ROBO1: variants seen among roughly 807,000 people sequenced by gnomAD.
ROBO1 encodes roundabout guidance receptor 1, also known as roundabout homolog 1.
In ROBO1, 149 loss-of-function variants were observed where a neutral mutation model predicts 195.9. The ratio of observed to expected loss-of-function variants is 0.76; its 90% CI spans 0.67 to 0.87. The LOEUF is 0.87. ROBO1 is among the 40% of genes least tolerant of loss of function. The pLI is 0.00. For missense variants in ROBO1, 1,933 were observed against 2,068.3 expected, an observed-to-expected ratio of 0.93 and a Z score of 1.27; for synonymous variants, 816 against 733.2, an observed-to-expected ratio of 1.11 and a Z score of -1.82.
intron 1 of ROBO1, among the ~76,000 whole-genome samples, chr3:79,756,320 G>A (rs547377708): frequency 5.8e-4 from 89 of 152,236 alleles, no homozygotes; most frequent in African/African-American, 2.1e-3. Flanking sequence ...GGGAGGCCAA[G>A]GCGGGCGGTT....
intron 3 of ROBO1, among the ~76,000 whole-genome samples, chr3:78,959,571 T>C (rs1576470019): frequency 6.6e-6 from 1 of 152,114 alleles, no homozygotes; most frequent in Non-Finnish European, 1.5e-5. Flanking sequence ...CCCCTATAGA[T>C]TGTAGATAGA....
At chr3:79,756,794 T>A (rs1268846202) in intron 1 of ROBO1, among the ~76,000 whole-genome samples, 1 of 152,146 alleles carries the variant, frequency 6.6e-6, no homozygotes, top group African/African-American at 2.4e-5. Context: ...TCTGTATTCA[T>A]TAAACAATAA....
At chr3:79,494,146 C>G (rs1218033096) in intron 2 of ROBO1, among the ~76,000 whole-genome samples, 1 of 152,140 alleles carries the variant, frequency 6.6e-6, no homozygotes. Flanking sequence ...GTCTCCATCT[C>G]CACACTTTTT....
intron 1 of ROBO1, among the ~76,000 whole-genome samples, chr3:79,706,885 T>C (rs1038135330): frequency 3.3e-5 from 5 of 152,164 alleles, no homozygotes; most frequent in Admixed American, 6.6e-5. Context: ...ACACTTTTTC[T>C]ACCTTGTTGA....
intron 1 of ROBO1, among the ~76,000 whole-genome samples, chr3:79,614,601 T>C (rs949535608): frequency 2.6e-5 from 4 of 152,100 alleles, no homozygotes; most frequent in Admixed American, 2.6e-4. Context: ...TAAAAAACTA[T>C]AACTTTTCTT....
intron 8 of ROBO1, chr3:78,693,408 T>G (rs1312755611): frequency 7.6e-7 from 1 of 1,310,116 alleles, no homozygotes; most frequent in East Asian, 2.5e-5. Flanking sequence ...TAAGGAAACA[T>G]AAAATGAAAC....
At position 78,657,739 on chromosome 3, in the gene ROBO1, A is replaced by G. The variant is rs553063401; in HGVS notation, c.2443-470T>C. Among the ~76,000 whole-genome samples, 11 of 152,382 alleles carry G rather than the reference A, an allele frequency of 7.2e-5. No homozygotes were observed. In the East Asian group the frequency reaches 2.1e-3, roughly 29 times the overall value. ...ATGAGTAGGAAACGCCAAGCCTCGTACTTCAACAGTTCTCTGGGATCAACC... is the reference window on the plus strand; with the variant it reads ...ATGAGTAGGAAACGCCAAGCCTCGTGCTTCAACAGTTCTCTGGGATCAACC... On this transcript the variant is annotated intron_variant, in intron 17 of 30. Coordinates refer to ENST00000464233, the MANE Select transcript of ROBO1 (RefSeq NM_002941.4).
At chr3:79,037,614 C>A (rs1273288906) in intron 3 of ROBO1, among the ~76,000 whole-genome samples, 1 of 152,152 alleles carries the variant, frequency 6.6e-6, no homozygotes, top group South Asian at 2.1e-4. Flanking sequence ...AGAAGCCATG[C>A]TGCTAGATAT....
intron 2 of ROBO1, among the ~76,000 whole-genome samples, chr3:79,424,053 T>G (rs529948555): frequency 3.3e-5 from 5 of 152,068 alleles, no homozygotes; most frequent in Admixed American, 3.3e-4. Context: ...TTTACTCTTG[T>G]AGTTTCTTCT....
At chr3:79,413,039 A>AT (rs1559880994) in intron 2 of ROBO1, among the ~76,000 whole-genome samples, 1 of 151,312 alleles carries the variant, frequency 6.6e-6, no homozygotes, top group African/African-American at 2.4e-5. Flanking sequence ...AAATTTATTA[A>AT]TTTTTTAATA....
chr3:79,747,136 T>G (rs1186020812), intron 1 of ROBO1, among the ~76,000 whole-genome samples: 3 of 152,166 alleles, frequency 2.0e-5, no homozygotes, highest in Admixed American at 1.3e-4. Context: ...GTAACTATAT[T>G]TTGCTTGCAG....
intron 2 of ROBO1, among the ~76,000 whole-genome samples, chr3:79,230,097 TCATTTTCC>T (rs2082293736): frequency 6.6e-6 from 1 of 152,076 alleles, no homozygotes; most frequent in Admixed American, 6.6e-5. Context: ...AATGGCATGT[TCATTTTCC>T]CACTCCCCTC....
At chr3:78,983,570 A>C (rs2077043390) in intron 3 of ROBO1, among the ~76,000 whole-genome samples, 1 of 152,356 alleles carries the variant, frequency 6.6e-6, no homozygotes, top group African/African-American at 2.4e-5. Flanking sequence ...AAGGTAGAAC[A>C]ATCTAACAAA....
intron 1 of ROBO1, among the ~76,000 whole-genome samples, chr3:79,637,854 A>G (rs1945541326): frequency 6.6e-6 from 1 of 152,168 alleles, no homozygotes; most frequent in East Asian, 1.9e-4. Flanking sequence ...TGTGTATTCC[A>G]TAAATAGTCC....
chr3:79,044,691 C>T (rs2078555989), intron 3 of ROBO1, among the ~76,000 whole-genome samples: 1 of 151,884 alleles, frequency 6.6e-6, no homozygotes. Context: ...TATAGTGAAA[C>T]ACAGTCAGCT....
intron 10 of ROBO1, among the ~76,000 whole-genome samples, chr3:78,681,361 G>T (rs765745356): frequency 6.6e-6 from 1 of 152,040 alleles, no homozygotes; most frequent in African/African-American, 2.4e-5. Context: ...TGGAGCATTT[G>T]CCACATGAGG....
At chr3:78,655,955 T>G (rs1014484070) in intron 18 of ROBO1, among the ~76,000 whole-genome samples, 6 of 152,232 alleles carry the variant, frequency 3.9e-5, no homozygotes, top group Non-Finnish European at 8.8e-5. Context: ...TACATGTAGC[T>G]TCTTAATATT....
At chr3:78,902,797 T>TC (rs1223932432) in intron 4 of ROBO1, among the ~76,000 whole-genome samples, 1 of 152,094 alleles carries the variant, frequency 6.6e-6, no homozygotes, top group Non-Finnish European at 1.5e-5. Flanking sequence ...TGAGCCCAGA[T>TC]CGTGCCATTG....
chr3:79,287,935 T>C (rs1281597336), intron 2 of ROBO1, among the ~76,000 whole-genome samples: 1 of 152,080 alleles, frequency 6.6e-6, no homozygotes, highest in Non-Finnish European at 1.5e-5. Flanking sequence ...TGAATTCAGA[T>C]GGACATAAAT....
Sources: gnomAD v4.1 joint callset for allele counts (sites outside exome capture counted in the v4.1 genomes callset) on GRCh38, gnomAD v4.1.1 for gene constraint, MANE v1.5 for transcripts, NCBI Gene and HGNC (gene_info 2026-07-23, HGNC 2026-07-21) for gene names.